The following QKI variants were observed in gnomAD, a reference collection of about 807,000 sequenced individuals.
The protein encoded by QKI is KH domain-containing RNA-binding protein QKI.
Under a neutral mutation model 39.0 loss-of-function variants are expected in QKI, and 10 were observed. The observed-to-expected ratio is 0.26, with a 90% CI of 0.16 to 0.43. QKI has a LOEUF of 0.43. Among genes scored for constraint, QKI ranks in the 20% least tolerant of loss-of-function variants. The pLI is 1.00. For missense variants in QKI, 218 were observed against 428.0 expected (o/e 0.51, Z 4.33); for synonymous variants, 204 against 155.4 (o/e 1.31, Z -2.33).
chr6:163,465,347 A>T (rs2128221728), intron 2 of QKI, among the ~76,000 whole-genome samples: 1 of 152,226 alleles, frequency 6.6e-6, no homozygotes, highest in East Asian at 1.9e-4. Context: ...AAATAAAGGC[A>T]GCCAGGAGTG....
At position 163,415,215 on chromosome 6, in the gene QKI, AAGG is replaced by A. The variant is rs750035426; in HGVS notation, c.25_27del (p.Glu9del). 2 of 1,588,766 alleles carry A rather than the reference AAGG, an allele frequency of 1.3e-6. No individual in the cohort carries two copies. Among genetic ancestry groups the A allele is most frequent in the Non-Finnish European group, 1.7e-6 (2 of 1,164,866 alleles). ...GAATATGGTCGGGGAAATGGAAACG[AAGG>A]AGAAGCCGAAGCCCACCCCAGATTA... On this transcript the variant is annotated inframe_deletion, in exon 1 of 8. Coordinates refer to ENST00000361752, the MANE Select transcript of QKI (RefSeq NM_006775.3).
chr6:163,569,587 C>G (rs763362119), intron 7 of QKI: 167 of 1,092,528 alleles, frequency 1.5e-4, no homozygotes, highest in Non-Finnish European at 1.8e-4. Flanking sequence ...AAGGAAGGAA[C>G]AACTCAAGGA....
At chr6:163,525,755 G>C (rs1431907296) in intron 3 of QKI, among the ~76,000 whole-genome samples, 6 of 152,146 alleles carry the variant, frequency 3.9e-5, no homozygotes, top group Admixed American at 6.5e-5. Flanking sequence ...CTTCTTAATA[G>C]GTAGTTGTCA....
chr6:163,566,371 C>T (rs1324652304), intron 6 of QKI: 27 of 1,199,296 alleles, frequency 2.3e-5, no homozygotes, highest in Admixed American at 8.5e-5. Flanking sequence ...TTAAACATGG[C>T]GTTATTTAAG....
intron 3 of QKI, among the ~76,000 whole-genome samples, chr6:163,530,661 G>A (rs1780792107): frequency 1.3e-5 from 2 of 152,208 alleles, no homozygotes; most frequent in South Asian, 4.1e-4. Flanking sequence ...GCCTTTTTTT[G>A]TGTGACATTT....
intron 4 of QKI, among the ~76,000 whole-genome samples, chr6:163,559,495 T>C (rs147799195): frequency 6.2e-4 from 95 of 152,336 alleles, no homozygotes; most frequent in Middle Eastern, 3.4e-3. Flanking sequence ...AGCTTACTTA[T>C]TTCGTTTTTA....
intron 7 of QKI, chr6:163,569,115 C>G: frequency 1.1e-6 from 1 of 936,652 alleles, no homozygotes; most frequent in Non-Finnish European, 1.3e-6. Flanking sequence ...TTTGGAATAC[C>G]TGTGAAGTAG....
At chr6:163,481,374 C>G (rs967972557) in intron 3 of QKI, among the ~76,000 whole-genome samples, 3 of 152,180 alleles carry the variant, frequency 2.0e-5, no homozygotes, top group African/African-American at 7.2e-5. Context: ...CTTCCCTACA[C>G]TGGTAAACTC....
chr6:163,427,615 C>T (rs1347040369), intron 1 of QKI, among the ~76,000 whole-genome samples: 5 of 151,906 alleles, frequency 3.3e-5, no homozygotes, highest in Non-Finnish European at 7.4e-5. Flanking sequence ...TTACCTTATG[C>T]TCAGCAGACA....
chr6:163,505,437 C>T (rs982985003), intron 3 of QKI, among the ~76,000 whole-genome samples: 18 of 152,198 alleles, frequency 1.2e-4, no homozygotes, highest in South Asian at 6.2e-4. Flanking sequence ...TGAAAGCAGC[C>T]GAGGGGACTG....
intron 3 of QKI, among the ~76,000 whole-genome samples, chr6:163,502,990 T>A (rs1189968496): frequency 6.6e-6 from 1 of 152,168 alleles, no homozygotes; most frequent in African/African-American, 2.4e-5. Flanking sequence ...TCTCTTTTCC[T>A]CTTAGCCTCA....
At chr6:163,502,663 T>C (rs933920130) in intron 3 of QKI, among the ~76,000 whole-genome samples, 4 of 152,204 alleles carry the variant, frequency 2.6e-5, no homozygotes, top group African/African-American at 9.7e-5. Context: ...TTTGAACTTA[T>C]TTTATACATG....
intron 3 of QKI, among the ~76,000 whole-genome samples, chr6:163,526,420 C>T (rs1481861001): frequency 6.6e-6 from 1 of 152,132 alleles, no homozygotes; most frequent in Non-Finnish European, 1.5e-5. Flanking sequence ...TGTACAAAAT[C>T]TCACATATGA....
rs1389952799 is a variant in QKI, at chr6:163,572,358, C to T, written c.*1648C>T. The T allele has an allele frequency of 6.6e-6, 1 of 152,126 alleles. No homozygotes were observed. The highest frequency in any genetic ancestry group is 1.9e-4 in the East Asian group (1 of 5,192). 9.4% of individuals were successfully genotyped at this position (152,126 alleles called of 1,614,324 possible). A position where few individuals can be genotyped will look rare whatever the true frequency, so the allele number is the denominator to read the frequency against. ...TCTTTGTGATTTTCATTCTAGAAAA[C>T]AATGTTTTAAATCACCCAAATTTAA... On this transcript the variant is annotated 3_prime_UTR_variant, in exon 8 of 8. Coordinates refer to ENST00000361752, the MANE Select transcript of QKI (RefSeq NM_006775.3).
At chr6:163,462,425 A>G (rs1364387958) in intron 2 of QKI, among the ~76,000 whole-genome samples, 1 of 152,128 alleles carries the variant, frequency 6.6e-6, no homozygotes, top group African/African-American at 2.4e-5. Flanking sequence ...TTGGGCATCT[A>G]CTTGTTTCAT....
At chr6:163,564,079 T>G in intron 6 of QKI, 1 of 1,077,734 alleles carries the variant, frequency 9.3e-7, no homozygotes, top group African/African-American at 1.6e-5. Flanking sequence ...TATTTGAGAT[T>G]TATTTTATCT....
intron 3 of QKI, among the ~76,000 whole-genome samples, chr6:163,488,252 T>A (rs2128227717): frequency 1.3e-5 from 2 of 152,222 alleles, no homozygotes; most frequent in East Asian, 3.9e-4. Context: ...GATATGACAG[T>A]CTGCACTCTT....
At chr6:163,564,768 A>G in intron 6 of QKI, 2 of 1,612,706 alleles carry the variant, frequency 1.2e-6, no homozygotes, top group Non-Finnish European at 1.7e-6. Flanking sequence ...GTCAATGTGG[A>G]ACAAACTGTT....
At chr6:163,476,997 CT>C (rs967607913) in intron 2 of QKI, among the ~76,000 whole-genome samples, 9 of 139,276 alleles carry the variant, frequency 6.5e-5, no homozygotes, top group Non-Finnish European at 1.1e-4. Flanking sequence ...TTTCAGATTC[CT>C]TTTTTTGTTT....
Sources: allele counts gnomAD v4.1 joint callset (sites outside exome capture counted in the v4.1 genomes callset), GRCh38; gene constraint gnomAD v4.1.1; transcripts MANE v1.5; gene names NCBI Gene and HGNC (gene_info 2026-07-23, HGNC 2026-07-21).